Variants in CARF observed in about 807,000 individuals in gnomAD.
CARF encodes the protein calcium-responsive transcription factor.
Under a neutral mutation model 82.0 loss-of-function variants are expected in CARF, and 57 were observed. That is an observed-to-expected ratio of 0.70 (90% CI 0.56 to 0.87). CARF has a LOEUF of 0.87. Ranked by LOEUF, CARF falls within the 40% of genes least tolerant of loss-of-function variation. The pLI is 0.00. For missense variants in CARF, 771 were observed against 855.8 expected, an observed-to-expected ratio of 0.90 and a Z score of 1.24; for synonymous variants, 268 against 290.1, an observed-to-expected ratio of 0.92 and a Z score of 0.77.
At chr2:202,917,333 G>A (rs560284043) in intron 1 of CARF, among the ~76,000 whole-genome samples, 48 of 148,718 alleles carry the variant, frequency 3.2e-4, no homozygotes, top group African/African-American at 1.2e-3. Context: ...ATTCTAGAAA[G>A]CAATTTGCCG....
At chr2:202,947,718 ATTTGT>A (rs1361433299) in intron 5 of CARF, among the ~76,000 whole-genome samples, 2 of 152,138 alleles carry the variant, frequency 1.3e-5, no homozygotes, top group Non-Finnish European at 2.9e-5. Context: ...TCTTTTGTAA[ATTTGT>A]TTTAAGTTCG....
chr2:202,973,546 C>T (rs750447061), intron 12 of CARF: 1 of 386,032 alleles, frequency 2.6e-6, no homozygotes, highest in Admixed American at 3.4e-5. Flanking sequence ...TGTTTACGCA[C>T]ATAACCTGGG....
At chr2:202,957,407 A>G (rs2059106003) in intron 8 of CARF, among the ~76,000 whole-genome samples, 1 of 150,846 alleles carries the variant, frequency 6.6e-6, no homozygotes, top group Admixed American at 6.6e-5. Context: ...CTTTTCTCAA[A>G]CTCATCTTCA....
intron 3 of CARF, among the ~76,000 whole-genome samples, chr2:202,926,968 C>T (rs1341220265): frequency 6.6e-6 from 1 of 152,262 alleles, no homozygotes; most frequent in East Asian, 1.9e-4. Flanking sequence ...CATGCACCAC[C>T]ATGCCCAGCT....
chr2:202,950,061 ACT>A (rs2058687213), intron 5 of CARF, among the ~76,000 whole-genome samples: 1 of 152,152 alleles, frequency 6.6e-6, no homozygotes, highest in African/African-American at 2.4e-5. Context: ...GTAGCACATG[ACT>A]CTTCAAAACC....
At chr2:202,916,056 C>CA (rs1181860165) in intron 1 of CARF, among the ~76,000 whole-genome samples, 1 of 152,042 alleles carries the variant, frequency 6.6e-6, no homozygotes, top group Non-Finnish European at 1.5e-5. Flanking sequence ...TCATTTTTGA[C>CA]ACCACTGATT....
chr2:202,933,811 C>T (rs1693417140), intron 3 of CARF, among the ~76,000 whole-genome samples: 1 of 152,108 alleles, frequency 6.6e-6, no homozygotes, highest in African/African-American at 2.4e-5. Context: ...ACTTATTCCT[C>T]GTAATTGAAA....
intron 3 of CARF, among the ~76,000 whole-genome samples, chr2:202,940,902 A>G (rs2058198039): frequency 6.6e-6 from 1 of 151,914 alleles, no homozygotes; most frequent in Non-Finnish European, 1.5e-5. Flanking sequence ...CAAAATAAAG[A>G]TTTTATTTTC....
Position 202,987,951 on chromosome 2 carries a change from G to C in CARF, c.*4327G>C, listed in dbSNP as rs1413427502. ...TATTCATCACTCTCAAAGTTTCATA[G>C]TACCTCTTTGTGATCCCTTCTTACT... On this transcript the variant is annotated 3_prime_UTR_variant, in exon 17 of 17. Transcript: ENST00000438828. 1.3e-5 allele frequency among the ~76,000 whole-genome samples: 2 copies of C among 152,114 alleles called. No individual in the cohort carries two copies. Among genetic ancestry groups the C allele is most frequent in the Non-Finnish European group, 2.9e-5 (2 of 68,020 alleles).
At chr2:202,955,580 A>G (rs1200447869) in intron 7 of CARF, 94 bp from the exon 8 acceptor site, 6 of 787,680 alleles carry the variant, frequency 7.6e-6, no homozygotes, top group African/African-American at 1.8e-5. Flanking sequence ...GATGACTTCA[A>G]TATTTGTCTT....
chr2:202,965,126 C>G (rs1189938581), intron 9 of CARF, among the ~76,000 whole-genome samples: 1 of 151,996 alleles, frequency 6.6e-6, no homozygotes, highest in African/African-American at 2.4e-5. Flanking sequence ...AGATTTCTCT[C>G]CTCTTCTAGG....
At chr2:202,960,678 A>AGGCCTTCC (rs1381667114) in intron 8 of CARF, among the ~76,000 whole-genome samples, 1 of 151,490 alleles carries the variant, frequency 6.6e-6, no homozygotes, top group Non-Finnish European at 1.5e-5. Flanking sequence ...AATTAATCTC[A>AGGCCTTCC]GGCCTTCCTG....
chr2:202,947,512 C>T (rs1011284270), intron 5 of CARF, among the ~76,000 whole-genome samples: 4 of 152,022 alleles, frequency 2.6e-5, no homozygotes, highest in African/African-American at 9.7e-5. Context: ...AGCAATAGGA[C>T]AAATACCTAA....
chr2:202,965,777 G>A (rs1284087907), intron 9 of CARF, among the ~76,000 whole-genome samples: 1 of 152,120 alleles, frequency 6.6e-6, no homozygotes, highest in Non-Finnish European at 1.5e-5. Context: ...CTACAGTAGT[G>A]TAAGATATTC....
rs2105806534 is a variant in CARF at position 202,942,974 on chromosome 2, A to G, written c.306+7A>G. On this transcript the variant is annotated splice_region_variant and intron_variant, in intron 5 of 16. Transcript: ENST00000438828. Reference sequence around the variant, plus strand: ...GGAATCCAATGCACAAATGGTGAGTATATTTTATAAGTAACCAGTTTTATG... The same window carrying G: ...GGAATCCAATGCACAAATGGTGAGTGTATTTTATAAGTAACCAGTTTTATG... The G allele has an allele frequency of 6.2e-7, 1 of 1,608,798 alleles. No individual in the cohort carries two copies. Among genetic ancestry groups the G allele is most frequent in the Non-Finnish European group, 8.5e-7 (1 of 1,175,938 alleles).
intron 12 of CARF, among the ~76,000 whole-genome samples, chr2:202,973,853 C>T (rs934629661): frequency 2.6e-5 from 4 of 151,804 alleles, no homozygotes; most frequent in African/African-American, 7.3e-5. Flanking sequence ...TTTAGGAGGC[C>T]GAGGCGGGCG....
Position 202,985,361 on chromosome 2 carries a change from A to T in CARF, c.*1737A>T, listed in dbSNP as rs2060399742. ...TATAAAGTACTGTTATAGTAGAGGT[A>T]GGTGGAATTCTAATATTCCCTGCTC... On this transcript the variant is annotated 3_prime_UTR_variant, in exon 17 of 17. Coordinates refer to ENST00000438828, the MANE Select transcript of CARF (RefSeq NM_024744.17). 6.6e-6 allele frequency: 1 copy of T among 152,122 alleles called. No individual in the cohort carries two copies. The highest frequency in any genetic ancestry group is 2.4e-5 in the African/African-American group (1 of 41,458). 9.4% of individuals were successfully genotyped at this position (152,122 alleles called of 1,614,324 possible). A position where few individuals can be genotyped will look rare whatever the true frequency, so the allele number is the denominator to read the frequency against.
At chr2:202,972,945 A>T (rs541134111) in intron 12 of CARF, among the ~76,000 whole-genome samples, 1 of 152,160 alleles carries the variant, frequency 6.6e-6, no homozygotes, top group East Asian at 1.9e-4. Flanking sequence ...GTTTTTTTTA[A>T]CTTTTTTTGT....
In CARF at chr2:202,969,983, A is replaced by C; in HGVS notation, c.1018A>C (p.Lys340Gln). The change falls in exon 11 of 17, where the codon AAG becomes CAG. Residue 340 changes from lysine (K) to glutamine (Q), a missense_variant. By Grantham distance (53) the Lys-to-Gln change is moderately conservative (BLOSUM62 1). Coordinates refer to ENST00000438828, the MANE Select transcript of CARF (RefSeq NM_024744.17). Reference protein sequence around the residue: ...YRVPTDPKIDKKIIRMEQEKA... With the variant: ...YRVPTDPKIDQKIIRMEQEKA... ...AGTTCCTACAGACCCCAAAATTGACAAGAAAATTATCAGAATGGAGCAGGA... is the reference window on the plus strand; with the variant it reads ...AGTTCCTACAGACCCCAAAATTGACCAGAAAATTATCAGAATGGAGCAGGA... The C allele has an allele frequency of 6.3e-7, 1 of 1,575,918 alleles. No homozygotes were observed. Among genetic ancestry groups the C allele is most frequent in the Non-Finnish European group, 8.6e-7 (1 of 1,169,516 alleles).
Sources: allele counts gnomAD v4.1 joint callset (sites outside exome capture counted in the v4.1 genomes callset), GRCh38; gene constraint gnomAD v4.1.1; transcripts MANE v1.5; gene names NCBI Gene and HGNC (gene_info 2026-07-23, HGNC 2026-07-21).